Variants in CLN8 observed in about 807,000 individuals in gnomAD.
CLN8 encodes the protein CLN8 transmembrane ER and ERGIC protein.
Under a neutral mutation model 15.7 loss-of-function variants are expected in CLN8, and 14 were observed. That is an observed-to-expected ratio of 0.89 (90% confidence interval 0.59 to 1.39). The LOEUF (loss-of-function observed/expected upper bound fraction) is 1.39, where lower values mean the gene tolerates loss of function less well. Ranked by LOEUF, CLN8 falls within the 40% of genes most tolerant of loss-of-function variation. The probability of loss-of-function intolerance (pLI) is 0.00; values close to 1 mark genes in which losing one functional copy is unlikely to be tolerated. For missense variants in CLN8, 415 were observed against 364.0 expected (o/e 1.14, Z -1.14); for synonymous variants, 188 against 151.0 (o/e 1.25, Z -1.80).
At chr8:1,774,706 T>C (rs998497110) in intron 2 of CLN8, among the ~76,000 whole-genome samples, 1 of 152,194 alleles carries the variant, frequency 6.6e-6, no homozygotes, top group African/African-American at 2.4e-5. Context: ...ATAAAAGCAC[T>C]GTCAGGCCAA....
At chr8:1,760,273 GC>G (rs1326000316), upstream of CLN8, 2 of 152,110 alleles carry the variant, frequency 1.3e-5, no homozygotes, top group Non-Finnish European at 1.5e-5. Context: ...TTAGCCTGAC[GC>G]CTGACACGCT....
At position 1,771,261 on chromosome 8, in the gene CLN8, G is replaced by A. The variant is rs368365607; in HGVS notation, c.207G>A (p.Thr69=). ...AGGTCTTCTGGGACCTGGCGGCCAC[G>A]CGTGCAGTCTTTGGTGTTCAGAGCA... ...REKVFWDLAA[T]RAVFGVQSTA... is the part of the protein sequence containing the mutation. Residue 69 remains threonine, a synonymous_variant, in exon 2 of 3, where the codon ACG becomes ACA. Coordinates refer to ENST00000331222, the MANE Select transcript of CLN8 (RefSeq NM_018941.4). The A allele has an allele frequency of 2.0e-4, 317 of 1,613,806 alleles. No homozygotes were observed. Among genetic ancestry groups the A allele is most frequent in the East Asian group, 3.3e-4 (15 of 44,872 alleles).
intron 1 of CLN8, among the ~76,000 whole-genome samples, chr8:1,756,939 T>C (rs1800685348): frequency 6.6e-6 from 1 of 152,120 alleles, no homozygotes; most frequent in Non-Finnish European, 1.5e-5. Flanking sequence ...CACCTCGGCA[T>C]CCCAAAGTGC....
At chr8:1,758,457 A>T (rs1208159598) in intron 1 of CLN8, 2 of 152,212 alleles carry the variant, frequency 1.3e-5, no homozygotes, top group African/African-American at 4.8e-5. Flanking sequence ...GCTGGATTTT[A>T]TGCATTTTAG....
At chr8:1,772,557 C>G (rs1367953851) in intron 2 of CLN8, among the ~76,000 whole-genome samples, 8 of 152,194 alleles carry the variant, frequency 5.3e-5, no homozygotes, top group Admixed American at 5.2e-4. Flanking sequence ...CACCCGGATT[C>G]AAGCAATTCT....
At chr8:1,767,340 G>C (rs560276465) in intron 1 of CLN8, among the ~76,000 whole-genome samples, 1 of 152,242 alleles carries the variant, frequency 6.6e-6, no homozygotes, top group Non-Finnish European at 1.5e-5. Flanking sequence ...CCTGTTCTCT[G>C]ACTGCCAGGA....
At position 1,780,893 on chromosome 8, in the gene CLN8, C is replaced by A; in HGVS notation, c.*326C>A. The A allele has an allele frequency of 2.3e-6, 1 of 428,624 alleles. No homozygotes were observed. The highest frequency in any genetic ancestry group is 4.2e-6 in the Non-Finnish European group (1 of 237,382). 26.6% of individuals were successfully genotyped at this position (428,624 alleles called of 1,614,324 possible). On this transcript the variant is annotated 3_prime_UTR_variant, in exon 3 of 3. Coordinates refer to ENST00000331222, the MANE Select transcript of CLN8 (RefSeq NM_018941.4). The stretch of plus-strand genomic sequence containing the variant: ...GGGTGGCTTTGAATGCTGGAAATGG[C>A]TTCATAGTGAAGTGCCTCCCACAGG...
At chr8:1,775,812 CTT>C (rs1487200660) in intron 2 of CLN8, among the ~76,000 whole-genome samples, 1 of 152,204 alleles carries the variant, frequency 6.6e-6, no homozygotes, top group East Asian at 1.9e-4. Flanking sequence ...GACACACACT[CTT>C]TTCACTCCTG....
intron 2 of CLN8, among the ~76,000 whole-genome samples, chr8:1,774,995 C>T (rs751862676): frequency 2.6e-5 from 4 of 152,140 alleles, no homozygotes; most frequent in Non-Finnish European, 4.4e-5. Flanking sequence ...AAACACAACC[C>T]GCTGTCAGTT....
At chr8:1,776,385 A>G (rs898187229) in intron 2 of CLN8, among the ~76,000 whole-genome samples, 6 of 151,898 alleles carry the variant, frequency 4.0e-5, no homozygotes, top group Non-Finnish European at 7.4e-5. Context: ...ACATGTGATA[A>G]CAGAAGGTTC....
rs190849378 is a variant in CLN8, at chr8:1,775,862, C to G, written c.543+4265C>G. On this transcript the variant is annotated intron_variant, in intron 2 of 2. Coordinates refer to ENST00000331222, the MANE Select transcript of CLN8 (RefSeq NM_018941.4). ...GCTCTCTTGAGGAGCAATGAGCACT[C>G]TTGCAGGCCCTGTGCCAGGTGCCGG... 6.2e-4 allele frequency among the ~76,000 whole-genome samples: 95 copies of G among 152,378 alleles called. 1 individual carries two copies. In the East Asian group the frequency reaches 0.014, roughly 23 times the overall value.
chr8:1,756,643 G>A (rs1165582543), intron 1 of CLN8, among the ~76,000 whole-genome samples: 2 of 150,414 alleles, frequency 1.3e-5, no homozygotes, highest in Non-Finnish European at 3.0e-5. Context: ...ATAAATCAAA[G>A]TGATTATACC....
intron 2 of CLN8, chr8:1,773,030 A>T (rs1238818921): frequency 5.0e-6 from 2 of 398,248 alleles, no homozygotes; most frequent in Non-Finnish European, 8.9e-6. Context: ...TGCAGTGTAA[A>T]CAGTACAGAC....
In CLN8 at chr8:1,780,023, A is replaced by G. The variant is rs3935479; in HGVS notation, c.544-227A>G. On this transcript the variant is annotated intron_variant, in intron 2 of 2. Transcript: ENST00000331222. The stretch of plus-strand genomic sequence containing the variant: ...AGAGCAAGAGGAGCAGGAAAACAGC[A>G]TGAGCGGGCAAGGGTCAGCCCTGCT... The G allele has an allele frequency of 0.099, 97,089 of 985,438 alleles. 5,127 individuals are homozygous for G. The highest frequency in any genetic ancestry group is 0.21 in the South Asian group (4,577 of 21,292). The allele number at this position is 985,438 out of a possible 1,614,324, so 61.0% of individuals were successfully genotyped here.
upstream of CLN8, among the ~76,000 whole-genome samples, chr8:1,754,538 A>G (rs1474278631): frequency 6.6e-6 from 1 of 152,224 alleles, no homozygotes; most frequent in Admixed American, 6.5e-5. Flanking sequence ...AAGCATTCCC[A>G]GGAAATAACG....
rs542056790 is a variant in CLN8, at chr8:1,784,925, C to A, written c.*4358C>A. The A allele has an allele frequency of 6.6e-6, 1 of 152,416 alleles. No individual in the cohort carries two copies. The highest frequency in any genetic ancestry group is 2.4e-5 in the African/African-American group (1 of 41,448). The allele number at this position is 152,416 out of a possible 1,614,324, so 9.4% of individuals were successfully genotyped here. ...GGAAACGTGTGGCCAGAAGGGGAAA[C>A]GCTCGGGCCTCTGGTGGGGGCCAGC... On this transcript the variant is annotated 3_prime_UTR_variant, in exon 3 of 3. Coordinates refer to ENST00000331222, the MANE Select transcript of CLN8 (RefSeq NM_018941.4).
At chr8:1,776,265 G>GA (rs1801511940) in intron 2 of CLN8, among the ~76,000 whole-genome samples, 1 of 152,260 alleles carries the variant, frequency 6.6e-6, no homozygotes, top group Non-Finnish European at 1.5e-5. Flanking sequence ...GAATCTGTGA[G>GA]GGGCAGCTGT....
intron 2 of CLN8, among the ~76,000 whole-genome samples, chr8:1,774,889 A>C (rs1179294326): frequency 6.6e-6 from 1 of 152,194 alleles, no homozygotes; most frequent in Non-Finnish European, 1.5e-5. Flanking sequence ...TGGGAGGCTA[A>C]GGTGGGAGGA....
chr8:1,784,084 GA>G lies in CLN8; in HGVS notation c.*3520del, dbSNP rs1801773101. ...GTGGATCATTTGAGGTCAGGAGTTT[GA>G]AACCAGCCTGGCCAACATGGTGAAA... is the stretch of plus-strand genomic sequence containing the variant. On this transcript the variant is annotated 3_prime_UTR_variant, in exon 3 of 3. Coordinates refer to ENST00000331222, the MANE Select transcript of CLN8 (RefSeq NM_018941.4). The G allele has an allele frequency of 6.6e-6, 1 of 152,242 alleles. No individual in the cohort carries two copies. Among genetic ancestry groups the G allele is most frequent in the Admixed American group, 6.5e-5 (1 of 15,284 alleles). The allele number at this position is 152,242 out of a possible 1,614,324, so 9.4% of individuals were successfully genotyped here. A position where few individuals can be genotyped will look rare whatever the true frequency, so the allele number is the denominator to read the frequency against.
Sources: allele counts gnomAD v4.1 joint callset (sites outside exome capture counted in the v4.1 genomes callset), GRCh38; gene constraint gnomAD v4.1.1; transcripts MANE v1.5; gene names NCBI Gene and HGNC (gene_info 2026-07-23, HGNC 2026-07-21).